MED16: variants seen among roughly 807,000 people sequenced by gnomAD.
MED16 encodes mediator complex subunit 16.
Under a neutral mutation model 84.4 loss-of-function variants are expected in MED16, and 81 were observed. The observed-to-expected ratio is 0.96, with a 90% CI of 0.80 to 1.15. MED16 has a LOEUF of 1.15. Among genes scored for constraint, MED16 ranks in the 50% most tolerant of loss-of-function variants. The probability of loss-of-function intolerance (pLI) is 0.00; values close to 1 mark genes in which losing one functional copy is unlikely to be tolerated. For missense variants in MED16, 1,585 were observed against 1,245.9 expected (o/e 1.27, Z -4.10); for synonymous variants, 897 against 552.2 (o/e 1.62, Z -8.76).
At chr19:878,694 GT>G (rs2036332243) in intron 8 of MED16, among the ~76,000 whole-genome samples, 1 of 12,164 alleles carries the variant, frequency 8.2e-5, no homozygotes, top group Non-Finnish European at 1.5e-4. Context: ...CCAACCCCAC[GT>G]GCCCCAGCAG....
rs550886496 is a variant in MED16 at position 869,031 on chromosome 19, G to T, written c.2316-85C>A. The T allele has an allele frequency of 8.1e-6, 10 of 1,228,246 alleles. No homozygotes were observed. The African/African-American group carries it at 1.5e-4, about 19-fold the overall frequency. 76.1% of individuals were successfully genotyped at this position (1,228,246 alleles called of 1,614,324 possible). ...GGGGCATCTGTCCACAGGCGGGGGT[G>T]GAGGGAATGGCCGGCCTCACACCAT... On this transcript the variant is annotated intron_variant, in intron 13 of 15. Transcript: ENST00000325464.
chr19:869,037 A>G (rs1683591), intron 13 of MED16, 91 bp from the exon 14 acceptor site: 329,053 of 1,159,212 alleles, frequency 0.28, 50,080 homozygotes, highest in African/African-American at 0.46. Context: ...GGGTGGAGGG[A>G]ATGGCCGGCC....
At chr19:881,857 A>C in intron 6 of MED16, 143 bp from the exon 7 acceptor site, 1 of 1,026,368 alleles carries the variant, frequency 9.7e-7, no homozygotes, top group East Asian at 2.6e-5. Context: ...TGCCCAGAAG[A>C]CCAGGCCCGG....
Position 872,147 on chromosome 19 carries a change from G to A in MED16, c.1906-29C>T, listed in dbSNP as rs773633080. ...CCCGAAAGAGGCATCGGTGTGGCTG[G>A]GGCGGCGGGGGGCAGATGGCGATGG... On this transcript the variant is annotated intron_variant, in intron 11 of 15. Coordinates refer to ENST00000325464, the MANE Select transcript of MED16 (RefSeq NM_005481.3). 3 of 1,569,026 alleles carry A rather than the reference G, an allele frequency of 1.9e-6. No individual in the cohort carries two copies. The African/African-American group carries it at 4.1e-5, about 21-fold the overall frequency.
chr19:884,419 G>T (rs534685536), intron 6 of MED16, among the ~76,000 whole-genome samples: 2 of 152,056 alleles, frequency 1.3e-5, no homozygotes, highest in African/African-American at 4.8e-5. Flanking sequence ...CTGGAGAGGT[G>T]GGGTGGGGTG....
At chr19:883,875 C>T (rs559660453) in intron 6 of MED16, among the ~76,000 whole-genome samples, 46 of 152,178 alleles carry the variant, frequency 3.0e-4, no homozygotes, top group African/African-American at 9.6e-4. Context: ...CCCTGGGGAC[C>T]GGGCGAAGGA....
intron 7 of MED16, among the ~76,000 whole-genome samples, chr19:880,389 CT>C (rs776572124): frequency 4.6e-5 from 7 of 152,236 alleles, no homozygotes; most frequent in Non-Finnish European, 8.8e-5. Flanking sequence ...CTCCCCGCCC[CT>C]CCCAGCTGGG....
chr19:872,827 A>AG (rs1267850286), intron 11 of MED16: 2 of 377,002 alleles, frequency 5.3e-6, no homozygotes, highest in Non-Finnish European at 7.5e-6. Context: ...GCCTTCGTGT[A>AG]GGGGTGGGGC....
At position 875,409 on chromosome 19, in the gene MED16, G is replaced by A. The variant is rs375318842; in HGVS notation, c.1606C>T (p.Leu536=). The change falls in exon 10 of 16, where the codon CTG becomes TTG. Residue 536 remains leucine, a synonymous_variant. Coordinates refer to ENST00000325464, the MANE Select transcript of MED16 (RefSeq NM_005481.3). ...ILAMKASLCK[L]SPCTVTRVCD... Reference sequence around the variant, plus strand: ...ACGCGGGTCACCGTGCAGGGCGACAGCTTGCAGAGCGAGGCCTTCATGGCC... The same window carrying A: ...ACGCGGGTCACCGTGCAGGGCGACAACTTGCAGAGCGAGGCCTTCATGGCC... 4 of 1,606,912 alleles carry A rather than the reference G, an allele frequency of 2.5e-6. No individual in the cohort carries two copies. Among genetic ancestry groups the A allele is most frequent in the African/African-American group, 1.3e-5 (1 of 74,910 alleles).
intron 9 of MED16, among the ~76,000 whole-genome samples, chr19:875,703 T>C (rs2036214695): frequency 6.6e-6 from 1 of 152,112 alleles, no homozygotes; most frequent in African/African-American, 2.4e-5. Flanking sequence ...TGTCTGGAGA[T>C]ATTTTTAGTT....
chr19:880,312 T>C (rs893460774), intron 7 of MED16, among the ~76,000 whole-genome samples, 164 bp from the exon 8 acceptor site: 15 of 152,230 alleles, frequency 9.9e-5, no homozygotes, highest in African/African-American at 3.6e-4. Flanking sequence ...ACTCTTTCTT[T>C]AGTTACACAG....
At chr19:871,728 G>T in intron 12 of MED16, 198 bp downstream of exon 12, 18 of 1,123,736 alleles carry the variant, frequency 1.6e-5, no homozygotes, top group Non-Finnish European at 2.2e-5. Context: ...TCTGGCGGGG[G>T]GCTCAGGCAG....
Position 889,530 on chromosome 19 carries a change from G to T in MED16, c.447+108C>A, listed in dbSNP as rs990771236. The T allele has an allele frequency of 7.2e-6, 10 of 1,380,362 alleles. No individual in the cohort carries two copies. The Admixed American group carries it at 2.3e-4, about 32-fold the overall frequency. 85.5% of individuals were successfully genotyped at this position (1,380,362 alleles called of 1,614,324 possible). ...ACTGCAGGTGGGAGCCAAGTGCAAGGTCCAAAAAACCAGGGGATGCTGGTG... is the reference window on the plus strand; with the variant it reads ...ACTGCAGGTGGGAGCCAAGTGCAAGTTCCAAAAAACCAGGGGATGCTGGTG... On this transcript the variant is annotated intron_variant, in intron 4 of 15. Coordinates refer to ENST00000325464, the MANE Select transcript of MED16 (RefSeq NM_005481.3).
chr19:879,164 C>T (rs2036348070), intron 8 of MED16, among the ~76,000 whole-genome samples: 1 of 147,516 alleles, frequency 6.8e-6, no homozygotes. Flanking sequence ...GCCCCAGCAG[C>T]TCGCCTTCCC....
Position 885,959 on chromosome 19 carries a change from C to T in MED16, c.690G>A (p.Thr230=), listed in dbSNP as rs200141305. ...CGGGCGACGCGCTGCTGCCGTCCGC[C>T]GTGGCCACCACGATGTTGCCGCCGC... ...FTGGGNIVVA[T]ADGSSASPVQ... is the part of the protein sequence containing the mutation. The change falls in exon 5 of 16, where the codon ACG becomes ACA. Residue 230 remains threonine, a synonymous_variant. Transcript: ENST00000325464. 64 of 1,612,398 alleles carry T rather than the reference C, an allele frequency of 4.0e-5. No individual in the cohort carries two copies. The highest frequency in any genetic ancestry group is 3.1e-4 in the East Asian group (14 of 44,848).
rs1258858110 is a variant in MED16, at chr19:871,140, G to A, written c.2212C>T (p.Leu738=). Residue 738 remains leucine, a synonymous_variant, in exon 13 of 16, where the codon CTG becomes TTG. Transcript: ENST00000325464. The part of the protein sequence containing the change: ...SLDWLPASDG[L]VSRLQPKQPL... ...TGCTTGGGCTGCAGGCGGCTAACCA[G>A]GCCGTCGCTGGCTGGCAGCCAGTCC... 3 of 1,548,028 alleles carry A rather than the reference G, an allele frequency of 1.9e-6. No individual in the cohort carries two copies. Among genetic ancestry groups the A allele is most frequent in the Admixed American group, 2.0e-5 (1 of 50,946 alleles).
At position 876,864 on chromosome 19, in the gene MED16, ACCACCTGCCACGGGGCCC is replaced by A. The variant is rs1458623801; in HGVS notation, c.1560+92_1560+109del. 6.3e-3 allele frequency: 5,855 copies of A among 931,368 alleles called. 32 individuals are homozygous for A. Among genetic ancestry groups the A allele is most frequent in the Non-Finnish European group, 7.3e-3 (5,007 of 685,470 alleles). 57.7% of individuals were successfully genotyped at this position (931,368 alleles called of 1,614,324 possible). A position where few individuals can be genotyped will look rare whatever the true frequency, so the allele number is the denominator to read the frequency against. ...CAGGGACAGCCCCACCTGGCACGGG[ACCACCTGCCACGGGGCCC>A]CCACCTGCCACGGGGCCCCACCTGC... is the stretch of plus-strand genomic sequence containing the variant. On this transcript the variant is annotated intron_variant, in intron 9 of 15. Transcript: ENST00000325464.
chr19:874,373 A>G (rs184496223), intron 10 of MED16, among the ~76,000 whole-genome samples: 1 of 152,088 alleles, frequency 6.6e-6, no homozygotes, highest in East Asian at 1.9e-4. Flanking sequence ...TGGCCTCCCA[A>G]AGTGCTGGGA....
chr19:889,622 C>A lies in MED16; in HGVS notation c.447+16G>T, dbSNP rs200953187. 1.0e-5 allele frequency: 16 copies of A among 1,598,908 alleles called. No homozygotes were observed. Among genetic ancestry groups the A allele is most frequent in the African/African-American group, 4.0e-5 (3 of 74,840 alleles). On this transcript the variant is annotated intron_variant, in intron 4 of 15. Coordinates refer to ENST00000325464, the MANE Select transcript of MED16 (RefSeq NM_005481.3). The stretch of plus-strand genomic sequence containing the variant: ...ATCTCATCTGCCTCATCCGCTCACT[C>A]GGGCAGGACACTCACCTTCTCCACG...
Sources: gnomAD v4.1 joint callset for allele counts (sites outside exome capture counted in the v4.1 genomes callset) on GRCh38, gnomAD v4.1.1 for gene constraint, MANE v1.5 for transcripts, NCBI Gene and HGNC (gene_info 2026-07-23, HGNC 2026-07-21) for gene names.